GRID2: variants seen among roughly 807,000 people sequenced by gnomAD.
GRID2 encodes the protein glutamate receptor ionotropic, delta-2.
A neutral mutation model predicts 114.8 loss-of-function variants in GRID2; 33 were observed. The ratio of observed to expected loss-of-function variants is 0.29; its 90% CI spans 0.22 to 0.38. The LOEUF (loss-of-function observed/expected upper bound fraction) is 0.38, where lower values mean the gene tolerates loss of function less well. Ranked by LOEUF, GRID2 falls within the 10% of genes least tolerant of loss-of-function variation. The pLI is 1.00. For missense variants in GRID2, 1,184 were observed against 1,257.7 expected, an observed-to-expected ratio of 0.94 and a Z score of 0.89; for synonymous variants, 505 against 449.9, an observed-to-expected ratio of 1.12 and a Z score of -1.55.
At chr4:92,360,504 G>T (rs1033174184) in intron 1 of GRID2, among the ~76,000 whole-genome samples, 1 of 151,818 alleles carries the variant, frequency 6.6e-6, no homozygotes, top group Admixed American at 6.6e-5. Context: ...AAAAAAATGC[G>T]GTTCTTTTCC....
chr4:92,510,115 G>A (rs942984629), intron 1 of GRID2, among the ~76,000 whole-genome samples: 4 of 151,896 alleles, frequency 2.6e-5, no homozygotes, highest in African/African-American at 9.7e-5. Flanking sequence ...TAATCTGAGA[G>A]GGTGGATGCC....
At chr4:93,305,645 C>A (rs901803447) in intron 8 of GRID2, among the ~76,000 whole-genome samples, 2 of 152,068 alleles carry the variant, frequency 1.3e-5, no homozygotes, top group African/African-American at 4.8e-5. Flanking sequence ...GGAAACAATG[C>A]AAGAATCGTT....
At chr4:93,200,935 G>C (rs898738100) in intron 4 of GRID2, among the ~76,000 whole-genome samples, 7 of 152,142 alleles carry the variant, frequency 4.6e-5, no homozygotes, top group African/African-American at 1.4e-4. Flanking sequence ...AATGTGAGGA[G>C]CTGATATTTA....
At chr4:93,632,479 T>G (rs1034676722) in intron 14 of GRID2, among the ~76,000 whole-genome samples, 2 of 152,196 alleles carry the variant, frequency 1.3e-5, no homozygotes, top group Non-Finnish European at 2.9e-5. Context: ...AGGGAATCCT[T>G]TCCCCATTTC....
intron 2 of GRID2, among the ~76,000 whole-genome samples, chr4:92,629,766 AAT>A (rs200368836): frequency 6.7e-6 from 1 of 150,090 alleles, no homozygotes; most frequent in African/African-American, 2.4e-5. Flanking sequence ...CATATTTTAA[AAT>A]ATGTTTTTTC....
rs568833147 is a variant in GRID2, at chr4:93,029,350, A to G, written c.245-55645A>G. Among the ~76,000 whole-genome samples, 3 of 152,228 alleles carry G rather than the reference A, an allele frequency of 2.0e-5. No individual in the cohort carries two copies. The East Asian group carries it at 5.8e-4, about 29-fold the overall frequency. On this transcript the variant is annotated intron_variant, in intron 2 of 15. Transcript: ENST00000282020. ...CTTTACCAACATTTTAATACAGTAG[A>G]TTCACTAATATTTGTTAATTTTGAA... is the stretch of plus-strand genomic sequence containing the variant.
intron 2 of GRID2, among the ~76,000 whole-genome samples, chr4:92,622,403 T>C (rs1253028403): frequency 1.3e-5 from 2 of 151,730 alleles, no homozygotes; most frequent in African/African-American, 4.8e-5. Flanking sequence ...GAGTGGATGC[T>C]CTTTCCCGAC....
At chr4:92,927,088 T>C (rs575251100) in intron 2 of GRID2, among the ~76,000 whole-genome samples, 1 of 152,030 alleles carries the variant, frequency 6.6e-6, no homozygotes, top group Non-Finnish European at 1.5e-5. Flanking sequence ...GACAACATCT[T>C]TAAAACATCT....
chr4:92,544,167 T>G (rs1241278714), intron 1 of GRID2, among the ~76,000 whole-genome samples: 1 of 152,168 alleles, frequency 6.6e-6, no homozygotes, highest in African/African-American at 2.4e-5. Context: ...AATGTTGCCC[T>G]GTAATTATCT....
At chr4:93,127,204 T>C (rs1734355049) in intron 4 of GRID2, among the ~76,000 whole-genome samples, 1 of 152,232 alleles carries the variant, frequency 6.6e-6, no homozygotes, top group South Asian at 2.1e-4. Flanking sequence ...GAAGTTATTA[T>C]ACTATTTTTT....
intron 2 of GRID2, among the ~76,000 whole-genome samples, chr4:93,067,911 A>G (rs551152017): frequency 6.6e-6 from 1 of 152,150 alleles, no homozygotes; most frequent in East Asian, 1.9e-4. Context: ...TAATATTTAC[A>G]TATTTAATTA....
intron 14 of GRID2, among the ~76,000 whole-genome samples, chr4:93,732,130 T>C (rs562089316): frequency 1.3e-5 from 2 of 152,316 alleles, no homozygotes; most frequent in East Asian, 3.9e-4. Context: ...ATTACAGTAC[T>C]GAGACCATAG....
At chr4:93,204,083 T>G (rs2149464616) in intron 4 of GRID2, 1 of 152,278 alleles carries the variant, frequency 6.6e-6, no homozygotes, top group Admixed American at 6.5e-5. Context: ...GCTTAAAAAT[T>G]GAGGTGACTT....
At chr4:93,144,414 T>C (rs1736019472) in intron 4 of GRID2, among the ~76,000 whole-genome samples, 1 of 152,206 alleles carries the variant, frequency 6.6e-6, no homozygotes, top group Non-Finnish European at 1.5e-5. Flanking sequence ...AGCTAGTTTT[T>C]AAGCTGAGGC....
At chr4:93,535,231 T>TACACACACAC (rs141785727) in intron 13 of GRID2, among the ~76,000 whole-genome samples, 81 of 142,280 alleles carry the variant, frequency 5.7e-4, no homozygotes, top group South Asian at 1.4e-3. Context: ...CACATACACA[T>TACACACACAC]ACACACACAC....
rs191132656 is a variant in GRID2 at position 93,167,813 on chromosome 4, T to A, written c.736-39591T>A. 2.2e-3 allele frequency among the ~76,000 whole-genome samples: 330 copies of A among 152,324 alleles called. 3 individuals carry two copies. The highest frequency in any genetic ancestry group is 7.2e-3 in the African/African-American group (299 of 41,570). On this transcript the variant is annotated intron_variant, in intron 4 of 15. Transcript: ENST00000282020. ...TTAGTATTTGGATTATGTTTTAAAA[T>A]TTCTAATATTTTAGAGATGCATTCT...
chr4:93,599,202 AC>A (rs746708388), intron 13 of GRID2, among the ~76,000 whole-genome samples: 7 of 152,170 alleles, frequency 4.6e-5, no homozygotes, highest in South Asian at 2.1e-4. Flanking sequence ...AATGTGAATC[AC>A]CTGCAGCACT....
chr4:93,330,762 AC>A (rs1758341376), intron 8 of GRID2, among the ~76,000 whole-genome samples: 1 of 152,014 alleles, frequency 6.6e-6, no homozygotes, highest in African/African-American at 2.4e-5. Flanking sequence ...CATATAGACA[AC>A]CCTGTCAGAA....
chr4:92,676,242 G>A (rs55661239), intron 2 of GRID2, among the ~76,000 whole-genome samples: 18,400 of 44,526 alleles, frequency 0.41, 1,387 homozygotes, highest in South Asian at 0.5. Context: ...GTGCAGTGGC[G>A]CTATCTCGGC....
Sources: allele counts gnomAD v4.1 joint callset (sites outside exome capture counted in the v4.1 genomes callset), GRCh38; gene constraint gnomAD v4.1.1; transcripts MANE v1.5; gene names NCBI Gene and HGNC (gene_info 2026-07-23, HGNC 2026-07-21).